ASTN2: variants seen among roughly 807,000 people sequenced by gnomAD.
The protein encoded by ASTN2 is astrotactin-2.
A neutral mutation model predicts 139.8 loss-of-function variants in ASTN2; 54 were observed. The observed-to-expected ratio is 0.39, with a 90% CI of 0.31 to 0.48. ASTN2 has a LOEUF of 0.48. Ranked by LOEUF, ASTN2 falls within the 20% of genes least tolerant of loss-of-function variation. The pLI is 0.95. For synonymous variants in ASTN2, 756 were observed against 719.5 expected, an observed-to-expected ratio of 1.05 and a Z score of -0.81; for missense variants, 1,565 against 1,725.1, an observed-to-expected ratio of 0.91 and a Z score of 1.64.
intron 6 of ASTN2, among the ~76,000 whole-genome samples, chr9:117,016,624 CTA>C (rs1175306157): frequency 0.011 from 214 of 19,990 alleles, 6 homozygotes; most frequent in African/African-American, 0.035. Flanking sequence ...ATCTATCTAT[CTA>C]TATATATATA....
At chr9:117,084,479 C>A (rs937593234) in intron 5 of ASTN2, among the ~76,000 whole-genome samples, 14 of 152,190 alleles carry the variant, frequency 9.2e-5, no homozygotes, top group South Asian at 6.2e-4. Flanking sequence ...CAACCGAAAC[C>A]CAATTCAAGC....
chr9:117,103,925 T>G (rs528074316), intron 4 of ASTN2, among the ~76,000 whole-genome samples: 3 of 152,298 alleles, frequency 2.0e-5, no homozygotes, highest in African/African-American at 7.2e-5. Context: ...TTCATACACA[T>G]TCACTTCTCG....
At chr9:116,433,459 G>T (rs1268425719) in intron 22 of ASTN2, among the ~76,000 whole-genome samples, 1 of 152,158 alleles carries the variant, frequency 6.6e-6, no homozygotes, top group Admixed American at 6.5e-5. Context: ...AGAAATACAT[G>T]TGTACACTGT....
At chr9:117,188,936 A>C (rs941529978) in intron 3 of ASTN2, among the ~76,000 whole-genome samples, 1 of 152,056 alleles carries the variant, frequency 6.6e-6, no homozygotes, top group Non-Finnish European at 1.5e-5. Context: ...CCTGAGCATC[A>C]GTGAGTGCCC....
Position 116,671,035 on chromosome 9 carries a change from A to G in ASTN2, c.2807-19242T>C, listed in dbSNP as rs566070629. ...ACATTTTTGCAATCTTATTTGAGCT[A>G]GTTCAATGTTCAAAGTTGGGTCTGT... On this transcript the variant is annotated intron_variant, in intron 16 of 22. Coordinates refer to ENST00000313400, the MANE Select transcript of ASTN2 (RefSeq NM_001365068.1). Among the ~76,000 whole-genome samples, 3 of 152,324 alleles carry G rather than the reference A, an allele frequency of 2.0e-5. No individual in the cohort carries two copies. In the East Asian group the frequency reaches 5.8e-4, roughly 29 times the overall value.
At chr9:117,143,181 A>T (rs757199375) in intron 3 of ASTN2, among the ~76,000 whole-genome samples, 1 of 152,198 alleles carries the variant, frequency 6.6e-6, no homozygotes, top group African/African-American at 2.4e-5. Context: ...ACAATTGACA[A>T]TACAAATGAA....
At chr9:117,163,145 T>C (rs1282247951) in intron 3 of ASTN2, among the ~76,000 whole-genome samples, 2 of 151,992 alleles carry the variant, frequency 1.3e-5, no homozygotes, top group Non-Finnish European at 2.9e-5. Context: ...AGGAGGTAAG[T>C]GACAAAGAGA....
At chr9:117,271,544 C>T (rs151044046) in intron 2 of ASTN2, among the ~76,000 whole-genome samples, 1 of 152,254 alleles carries the variant, frequency 6.6e-6, no homozygotes, top group East Asian at 1.9e-4. Flanking sequence ...ACTCAAAGTC[C>T]ACAGTCCAAA....
chr9:116,678,736 T>G (rs1448275261), intron 16 of ASTN2, among the ~76,000 whole-genome samples: 2 of 152,174 alleles, frequency 1.3e-5, no homozygotes. Flanking sequence ...AAAATCATAC[T>G]CATGTGGGGC....
intron 5 of ASTN2, among the ~76,000 whole-genome samples, chr9:117,043,917 A>AAAAGAAAAGAAAAGAAAAG (rs1479929522): frequency 1.3e-5 from 2 of 150,296 alleles, no homozygotes; most frequent in African/African-American, 2.5e-5. Flanking sequence ...CAAAAAAAAA[A>AAAAGAAAAGAAAAGAAAAG]AAAAAAGAAA....
At chr9:116,428,017 G>C (rs1167406457) in intron 22 of ASTN2, among the ~76,000 whole-genome samples, 1 of 152,244 alleles carries the variant, frequency 6.6e-6, no homozygotes, top group African/African-American at 2.4e-5. Flanking sequence ...CTGATTTGTT[G>C]AGCATTTATT....
In ASTN2 at chr9:117,322,129, C is replaced by T. The variant is rs75594608; in HGVS notation, c.443-30616G>A. Among the ~76,000 whole-genome samples the T allele has an allele frequency of 1.3e-3, 190 of 149,148 alleles. 1 individual carries two copies. Among genetic ancestry groups the T allele is most frequent in the African/African-American group, 4.0e-3 (165 of 41,030 alleles). On this transcript the variant is annotated intron_variant, in intron 1 of 22. Transcript: ENST00000313400. ...TTATTGCTCCATAATTCAGGGATCACTTCTTTGCAAAGCTTTCTAGAATGT... is the reference window on the plus strand; with the variant it reads ...TTATTGCTCCATAATTCAGGGATCATTTCTTTGCAAAGCTTTCTAGAATGT...
At chr9:116,554,897 T>A (rs185935232) in intron 19 of ASTN2, among the ~76,000 whole-genome samples, 1 of 151,952 alleles carries the variant, frequency 6.6e-6, no homozygotes, top group African/African-American at 2.4e-5. Flanking sequence ...TATGGCAAAA[T>A]TGTGAAGGTG....
At chr9:117,061,820 A>G (rs4087489) in intron 5 of ASTN2, among the ~76,000 whole-genome samples, 20,964 of 152,138 alleles carry the variant, frequency 0.14, 1,680 homozygotes, top group Admixed American at 0.23. Flanking sequence ...ACAAGGAGAG[A>G]AGGAGGAAGA....
intron 2 of ASTN2, among the ~76,000 whole-genome samples, chr9:117,265,315 C>A (rs1226255094): frequency 1.3e-5 from 2 of 152,110 alleles, no homozygotes; most frequent in Non-Finnish European, 2.9e-5. Flanking sequence ...AACAGAAATG[C>A]CTCGGAGATA....
Position 117,388,391 on chromosome 9 carries a change from G to C in ASTN2, c.442+26106C>G, listed in dbSNP as rs554907295. Among the ~76,000 whole-genome samples, 4 of 152,202 alleles carry C rather than the reference G, an allele frequency of 2.6e-5. No individual in the cohort carries two copies. The South Asian group carries it at 6.2e-4, about 24-fold the overall frequency. On this transcript the variant is annotated intron_variant, in intron 1 of 22. Coordinates refer to ENST00000313400, the MANE Select transcript of ASTN2 (RefSeq NM_001365068.1). ...CTAATGAGACTCTCCCAAGAATTCT[G>C]AATTCCGGTGAGGTCATGGGAGTGA...
At chr9:116,776,013 T>A (rs1472178245) in intron 13 of ASTN2, among the ~76,000 whole-genome samples, 1 of 152,160 alleles carries the variant, frequency 6.6e-6, no homozygotes, top group South Asian at 2.1e-4. Flanking sequence ...GTGCCCTGCA[T>A]AAGGGTGCCC....
At chr9:117,177,586 T>C (rs558824021) in intron 3 of ASTN2, among the ~76,000 whole-genome samples, 1 of 152,228 alleles carries the variant, frequency 6.6e-6, no homozygotes, top group East Asian at 1.9e-4. Context: ...AACTCAAACA[T>C]GGGCCCCACA....
intron 1 of ASTN2, among the ~76,000 whole-genome samples, chr9:117,302,930 G>C (rs531591059): frequency 6.6e-6 from 1 of 152,270 alleles, no homozygotes; most frequent in South Asian, 2.1e-4. Flanking sequence ...CTAGCCCCAA[G>C]CAACATTCTT....
Sources: gnomAD v4.1 joint callset for allele counts (sites outside exome capture counted in the v4.1 genomes callset) on GRCh38, gnomAD v4.1.1 for gene constraint, MANE v1.5 for transcripts, NCBI Gene and HGNC (gene_info 2026-07-23, HGNC 2026-07-21) for gene names.